Variants in XKR4 observed in about 807,000 individuals in gnomAD.
The protein encoded by XKR4 is XK related 4, also known as XK-related protein 4.
In XKR4, 12 loss-of-function variants were observed where a neutral mutation model predicts 53.9. The ratio of observed to expected loss-of-function variants is 0.22; its 90% CI spans 0.14 to 0.36. The LOEUF is 0.36. XKR4 is among the 10% of genes least tolerant of loss of function. The probability of loss-of-function intolerance (pLI) is 1.00; values close to 1 mark genes in which losing one functional copy is unlikely to be tolerated. For missense variants in XKR4, 799 were observed against 859.5 expected (o/e 0.93, Z 0.88); for synonymous variants, 354 against 362.4 (o/e 0.98, Z 0.26).
intron 2 of XKR4, among the ~76,000 whole-genome samples, chr8:55,478,368 C>A (rs1396192693): frequency 1.3e-5 from 2 of 151,946 alleles, no homozygotes; most frequent in African/African-American, 4.8e-5. Context: ...TTGTCACCAC[C>A]AGGCCTGCCC....
At chr8:55,249,956 A>AT (rs994084906) in intron 1 of XKR4, among the ~76,000 whole-genome samples, 119 of 151,210 alleles carry the variant, frequency 7.9e-4, no homozygotes, top group African/African-American at 2.1e-3. Context: ...CTACTTACTT[A>AT]TTTTTTTTTA....
chr8:55,231,144 G>A (rs1032436718), intron 1 of XKR4, among the ~76,000 whole-genome samples: 5 of 152,132 alleles, frequency 3.3e-5, no homozygotes, highest in African/African-American at 1.2e-4. Context: ...ATTAAAGGTG[G>A]TATCTATATG....
At chr8:55,398,742 C>A (rs1323366761) in intron 2 of XKR4, among the ~76,000 whole-genome samples, 1 of 152,190 alleles carries the variant, frequency 6.6e-6, no homozygotes, top group African/African-American at 2.4e-5. Flanking sequence ...TGTGAGGAAA[C>A]AGGACTTGAT....
At chr8:55,432,105 T>C (rs1364968908) in intron 2 of XKR4, among the ~76,000 whole-genome samples, 1 of 152,214 alleles carries the variant, frequency 6.6e-6, no homozygotes, top group Non-Finnish European at 1.5e-5. Context: ...TGGTTGTAAA[T>C]TTTATCCAGG....
intron 2 of XKR4, among the ~76,000 whole-genome samples, chr8:55,375,727 T>TTA (rs1554520997): frequency 1.2e-4 from 18 of 151,682 alleles, no homozygotes; most frequent in African/African-American, 4.4e-4. Context: ...TTTTTTTTTT[T>TTA]AAATATATTT....
intron 1 of XKR4, among the ~76,000 whole-genome samples, chr8:55,121,432 A>G (rs988037776): frequency 1.3e-5 from 2 of 152,234 alleles, no homozygotes; most frequent in Non-Finnish European, 2.9e-5. Context: ...AAGAGTTAAG[A>G]TACCGTGAAC....
intron 1 of XKR4, among the ~76,000 whole-genome samples, chr8:55,336,977 G>T (rs954887003): frequency 6.6e-6 from 1 of 152,086 alleles, no homozygotes; most frequent in Non-Finnish European, 1.5e-5. Flanking sequence ...TCCTAAACTT[G>T]CAAGGGTTTT....
At chr8:55,236,625 T>C (rs1363810121) in intron 1 of XKR4, among the ~76,000 whole-genome samples, 3 of 152,164 alleles carry the variant, frequency 2.0e-5, no homozygotes. Flanking sequence ...TCAGCACCCT[T>C]GATAGACCTC....
In XKR4 at chr8:55,323,620, G is replaced by A. The variant is rs56659138; in HGVS notation, c.807-34058G>A. Among the ~76,000 whole-genome samples the A allele has an allele frequency of 4.8e-3, 726 of 152,270 alleles. 6 individuals carry two copies. The highest frequency in any genetic ancestry group is 0.016 in the African/African-American group (660 of 41,552). Reference sequence around the variant, plus strand: ...TAAAGGACATTTGGGTTGTTTCCAGGTTTGGGTAATTTTGAATAAAAACCT... The same window carrying A: ...TAAAGGACATTTGGGTTGTTTCCAGATTTGGGTAATTTTGAATAAAAACCT... On this transcript the variant is annotated intron_variant, in intron 1 of 2. Transcript: ENST00000327381.
At chr8:55,380,028 A>G (rs1489011833) in intron 2 of XKR4, among the ~76,000 whole-genome samples, 1 of 152,236 alleles carries the variant, frequency 6.6e-6, no homozygotes, top group Non-Finnish European at 1.5e-5. Flanking sequence ...TTCTGACTCA[A>G]AAACACATTT....
intron 1 of XKR4, among the ~76,000 whole-genome samples, chr8:55,121,541 G>A (rs1485441253): frequency 6.6e-6 from 1 of 151,252 alleles, no homozygotes; most frequent in Non-Finnish European, 1.5e-5. Context: ...ATGAGAAATG[G>A]ATAAAATAAT....
chr8:55,230,441 C>T (rs894178179), intron 1 of XKR4, among the ~76,000 whole-genome samples: 2 of 150,936 alleles, frequency 1.3e-5, no homozygotes, highest in Non-Finnish European at 2.9e-5. Context: ...CAGCTCACTA[C>T]AACCTCTGCC....
intron 1 of XKR4, among the ~76,000 whole-genome samples, chr8:55,265,641 C>A (rs566982613): frequency 6.6e-6 from 1 of 152,006 alleles, no homozygotes; most frequent in African/African-American, 2.4e-5. Flanking sequence ...ATTGCTTGAG[C>A]CTAGGAGCCT....
At chr8:55,401,486 A>G (rs1804601315) in intron 2 of XKR4, among the ~76,000 whole-genome samples, 1 of 152,240 alleles carries the variant, frequency 6.6e-6, no homozygotes, top group South Asian at 2.1e-4. Context: ...TGGCTAGTGG[A>G]CCTGCTGGAG....
intron 1 of XKR4, among the ~76,000 whole-genome samples, chr8:55,270,935 G>A (rs1818682830): frequency 6.6e-6 from 1 of 152,134 alleles, no homozygotes; most frequent in African/African-American, 2.4e-5. Flanking sequence ...AGAGTGAGCT[G>A]CAATACTTCA....
chr8:55,213,520 C>T (rs1364616245), intron 1 of XKR4, among the ~76,000 whole-genome samples: 1 of 152,146 alleles, frequency 6.6e-6, no homozygotes, highest in Non-Finnish European at 1.5e-5. Context: ...CTTGCAGTCT[C>T]TAGCTGCATA....
chr8:55,426,212 G>C (rs992191515), intron 2 of XKR4, among the ~76,000 whole-genome samples: 8 of 152,210 alleles, frequency 5.3e-5, no homozygotes, highest in Non-Finnish European at 1.2e-4. Context: ...CTTAGATATG[G>C]ACAATTGCAC....
intron 2 of XKR4, among the ~76,000 whole-genome samples, chr8:55,392,364 A>G (rs1437774375): frequency 6.6e-6 from 1 of 152,246 alleles, no homozygotes; most frequent in African/African-American, 2.4e-5. Flanking sequence ...CATAGGTCAC[A>G]TTAAAAGAAA....
intron 1 of XKR4, among the ~76,000 whole-genome samples, chr8:55,171,827 G>T (rs1817162648): frequency 6.6e-6 from 1 of 151,962 alleles, no homozygotes; most frequent in African/African-American, 2.4e-5. Flanking sequence ...CTCCATCTGT[G>T]CCTCCCGAGT....
Sources: allele counts gnomAD v4.1 joint callset (sites outside exome capture counted in the v4.1 genomes callset), GRCh38; gene constraint gnomAD v4.1.1; transcripts MANE v1.5; gene names NCBI Gene and HGNC (gene_info 2026-07-23, HGNC 2026-07-21).